The following ARHGAP10 variants were observed in gnomAD, a reference collection of about 807,000 sequenced individuals.
The protein encoded by ARHGAP10 is Rho GTPase activating protein 10.
ARHGAP10 carries 87 observed loss-of-function variants against 108.6 expected under a neutral mutation model. The observed-to-expected ratio is 0.80, with a 90% CI of 0.67 to 0.96. ARHGAP10 has a LOEUF of 0.96. Among genes scored for constraint, ARHGAP10 ranks in the 40% least tolerant of loss-of-function variants. The probability of loss-of-function intolerance (pLI) is 0.00; values close to 1 mark genes in which losing one functional copy is unlikely to be tolerated. For synonymous variants in ARHGAP10, 347 were observed against 341.1 expected (o/e 1.02, Z -0.19); for missense variants, 939 against 954.5 (o/e 0.98, Z 0.21).
chr4:147,815,197 A>G (rs1445689889), intron 1 of ARHGAP10, among the ~76,000 whole-genome samples: 2 of 152,068 alleles, frequency 1.3e-5, no homozygotes, highest in Non-Finnish European at 2.9e-5. Context: ...TCTGCTCTCA[A>G]CACATCTCTG....
At chr4:147,907,739 T>C (rs1736558115) in intron 11 of ARHGAP10, among the ~76,000 whole-genome samples, 1 of 152,198 alleles carries the variant, frequency 6.6e-6, no homozygotes, top group East Asian at 1.9e-4. Context: ...GATGCTATAT[T>C]GGGGAATGTA....
intron 22 of ARHGAP10, among the ~76,000 whole-genome samples, chr4:148,070,157 C>G (rs1285285461): frequency 6.6e-6 from 1 of 152,124 alleles, no homozygotes; most frequent in Non-Finnish European, 1.5e-5. Context: ...CTCAGTGTGT[C>G]TCTCCTATAT....
intron 13 of ARHGAP10, among the ~76,000 whole-genome samples, chr4:147,927,635 A>G (rs2126943773): frequency 6.6e-6 from 1 of 152,304 alleles, no homozygotes; most frequent in African/African-American, 2.4e-5. Context: ...CAACTAGGCA[A>G]AGCTGGGGTT....
intron 13 of ARHGAP10, among the ~76,000 whole-genome samples, chr4:147,930,597 G>A (rs182989): frequency 0.93 from 142,303 of 152,264 alleles, 66,515 homozygotes; most frequent in East Asian, 0.97. Context: ...TAAGTACTCA[G>A]CAATTCCTGT....
intron 18 of ARHGAP10, among the ~76,000 whole-genome samples, chr4:148,018,634 G>A (rs949297990): frequency 6.6e-6 from 1 of 151,312 alleles, no homozygotes; most frequent in Non-Finnish European, 1.5e-5. Flanking sequence ...TGCACATAAA[G>A]GTAATGCATT....
intron 1 of ARHGAP10, among the ~76,000 whole-genome samples, chr4:147,766,862 T>A (rs1729855008): frequency 1.4e-5 from 2 of 145,972 alleles, no homozygotes; most frequent in Non-Finnish European, 3.0e-5. Flanking sequence ...TTATTTATTT[T>A]ATGATGGAGT....
intron 14 of ARHGAP10, among the ~76,000 whole-genome samples, chr4:147,945,885 G>A (rs1738357353): frequency 6.6e-6 from 1 of 152,106 alleles, no homozygotes; most frequent in African/African-American, 2.4e-5. Flanking sequence ...AAAGAGAGGG[G>A]GTCCCACCAG....
At position 147,879,342 on chromosome 4, in the gene ARHGAP10, A is replaced by G. The variant is rs1232179057; in HGVS notation, c.939+4A>G. The G allele has an allele frequency of 3.1e-6, 5 of 1,611,118 alleles. No homozygotes were observed. Among genetic ancestry groups the G allele is most frequent in the Non-Finnish European group, 4.2e-6 (5 of 1,177,822 alleles). On this transcript the variant is annotated splice_donor_region_variant and intron_variant, in intron 9 of 22. Coordinates refer to ENST00000336498, the MANE Select transcript of ARHGAP10 (RefSeq NM_024605.4). The stretch of plus-strand genomic sequence containing the variant: ...GCACAGATCTGGAGGGAAACTTGTA[A>G]GTATTTGATTCAACATAGAATAGAT...
intron 1 of ARHGAP10, among the ~76,000 whole-genome samples, chr4:147,759,178 A>G (rs1194372944): frequency 1.3e-5 from 2 of 152,264 alleles, no homozygotes; most frequent in East Asian, 3.9e-4. Flanking sequence ...TAGTGATAAC[A>G]CTGTGTTACT....
chr4:147,756,410 G>A (rs1374816931), intron 1 of ARHGAP10, among the ~76,000 whole-genome samples: 1 of 152,162 alleles, frequency 6.6e-6, no homozygotes, highest in African/African-American at 2.4e-5. Context: ...TCTCAGGAGT[G>A]TTTCTCCATT....
At chr4:147,852,417 A>G (rs745334501) in intron 4 of ARHGAP10, among the ~76,000 whole-genome samples, 31 of 152,290 alleles carry the variant, frequency 2.0e-4, no homozygotes, top group Non-Finnish European at 4.1e-4. Flanking sequence ...ATGAAGTTGA[A>G]TTCTCATCTC....
At chr4:148,022,557 A>G (rs1229513286) in intron 18 of ARHGAP10, among the ~76,000 whole-genome samples, 1 of 152,224 alleles carries the variant, frequency 6.6e-6, no homozygotes, top group East Asian at 1.9e-4. Flanking sequence ...TTTGTGGCAC[A>G]AATTGCTTTT....
chr4:147,975,479 C>A (rs1739558193), intron 18 of ARHGAP10, among the ~76,000 whole-genome samples: 1 of 152,124 alleles, frequency 6.6e-6, no homozygotes, highest in South Asian at 2.1e-4. Context: ...ACAGAGATTT[C>A]ATTTCTTACA....
intron 18 of ARHGAP10, among the ~76,000 whole-genome samples, chr4:148,011,246 C>T (rs1421985512): frequency 6.6e-6 from 1 of 152,162 alleles, no homozygotes; most frequent in Non-Finnish European, 1.5e-5. Flanking sequence ...TGTTTTGAAA[C>T]AATCTTGTTA....
intron 1 of ARHGAP10, among the ~76,000 whole-genome samples, chr4:147,786,181 G>C (rs185869858): frequency 1.1e-3 from 165 of 152,298 alleles, no homozygotes; most frequent in Admixed American, 1.9e-3. Flanking sequence ...TTAAGAGGAA[G>C]TAACCTTATT....
chr4:147,808,954 C>G (rs975576241), intron 1 of ARHGAP10: 1 of 152,250 alleles, frequency 6.6e-6, no homozygotes, highest in African/African-American at 2.4e-5. Flanking sequence ...ACCTGTTGTC[C>G]CAGCTTCCCA....
At chr4:147,912,162 T>C (rs914974705) in intron 12 of ARHGAP10, among the ~76,000 whole-genome samples, 5 of 152,076 alleles carry the variant, frequency 3.3e-5, no homozygotes, top group African/African-American at 1.2e-4. Context: ...GAATTGTAGT[T>C]ATTAATTTTA....
intron 4 of ARHGAP10, among the ~76,000 whole-genome samples, chr4:147,848,253 T>C (rs1560788534): frequency 6.6e-6 from 1 of 152,222 alleles, no homozygotes; most frequent in Admixed American, 6.5e-5. Flanking sequence ...GTGAAAATAT[T>C]AGACATTTCT....
At chr4:148,043,746 G>GTATATATATGTGTATATATATGTATA (rs34694852) in intron 19 of ARHGAP10, among the ~76,000 whole-genome samples, 3 of 137,808 alleles carry the variant, frequency 2.2e-5, no homozygotes, top group African/African-American at 8.1e-5. Context: ...GTATATATAT[G>GTATATATATGTGTATATATATGTATA]TATATATGTA....
Sources: allele counts gnomAD v4.1 joint callset (sites outside exome capture counted in the v4.1 genomes callset), GRCh38; gene constraint gnomAD v4.1.1; transcripts MANE v1.5; gene names NCBI Gene and HGNC (gene_info 2026-07-23, HGNC 2026-07-21).